FGF14: variants seen among roughly 807,000 people sequenced by gnomAD.
FGF14 encodes fibroblast growth factor 14.
In FGF14, 5 loss-of-function variants were observed where a neutral mutation model predicts 25.5. The observed-to-expected ratio is 0.20, with a 90% CI of 0.10 to 0.41. FGF14 has a LOEUF of 0.41. FGF14 is among the 10% of genes least tolerant of loss of function. FGF14 has a pLI of 1.00. For synonymous variants in FGF14, 138 were observed against 118.3 expected (o/e 1.17, Z -1.08); for missense variants, 222 against 320.1 (o/e 0.69, Z 2.34).
At chr13:101,987,070 G>C (rs559291216) in intron 1 of FGF14, among the ~76,000 whole-genome samples, 1 of 151,886 alleles carries the variant, frequency 6.6e-6, no homozygotes, top group South Asian at 2.1e-4. Context: ...TTGGACTCTG[G>C]CTTAGATTAT....
chr13:102,278,438 G>T (rs1431869406), intron 1 of FGF14, among the ~76,000 whole-genome samples: 1 of 152,138 alleles, frequency 6.6e-6, no homozygotes, highest in Non-Finnish European at 1.5e-5. Context: ...CCTGAAGTTG[G>T]TCTTTTATAA....
rs77699282 is a variant in FGF14, at chr13:101,802,397, G to C, written c.408+66328C>G. ...AAGTTGCCTGGAAAAAGGTGGAAGA[G>C]GAAGATGAAGAAAACATGGAGGACA... is the stretch of plus-strand genomic sequence containing the variant. On this transcript the variant is annotated intron_variant, in intron 3 of 4. Transcript: ENST00000376143. 2.6e-4 allele frequency: 56 copies of C among 219,478 alleles called. No homozygotes were observed. The East Asian group carries it at 6.1e-3, about 24-fold the overall frequency. 13.6% of individuals were successfully genotyped at this position (219,478 alleles called of 1,614,324 possible). A position where few individuals can be genotyped will look rare whatever the true frequency, so the allele number is the denominator to read the frequency against.
At chr13:102,263,685 A>C in intron 1 of FGF14, among the ~76,000 whole-genome samples, 1 of 152,356 alleles carries the variant, frequency 6.6e-6, no homozygotes, top group Non-Finnish European at 1.5e-5. Flanking sequence ...TATTTCTAGT[A>C]CAGTATTTCT....
Position 101,965,130 on chromosome 13 carries a change from T to A in FGF14, c.209-89834A>T, listed in dbSNP as rs182064738. Among the ~76,000 whole-genome samples, 31 of 151,952 alleles carry A rather than the reference T, an allele frequency of 2.0e-4. 1 individual carries two copies. In the East Asian group the frequency reaches 4.6e-3, roughly 23 times the overall value. ...TGGGCGAGGTGGGAGGCACCCGTAA[T>A]CCCAGCTACTCGAGGGGCTGAGGCA... is the stretch of plus-strand genomic sequence containing the variant. On this transcript the variant is annotated intron_variant, in intron 1 of 4. Coordinates refer to the FGF14 transcript ENST00000376131.
At chr13:101,879,206 C>T (rs959846135) in intron 1 of FGF14, among the ~76,000 whole-genome samples, 1 of 152,102 alleles carries the variant, frequency 6.6e-6, no homozygotes, top group African/African-American at 2.4e-5. Context: ...TTCCCCTTTT[C>T]CTCCAGTTTT....
chr13:101,965,694 T>A (rs1229103885), intron 1 of FGF14, among the ~76,000 whole-genome samples: 3 of 148,810 alleles, frequency 2.0e-5, no homozygotes, highest in African/African-American at 7.4e-5. Context: ...TTTTTGTAAG[T>A]AACATGAAAG....
intron 1 of FGF14, among the ~76,000 whole-genome samples, chr13:102,212,589 A>G (rs1366545869): frequency 6.6e-6 from 1 of 152,160 alleles, no homozygotes; most frequent in Non-Finnish European, 1.5e-5. Flanking sequence ...TCTCTTGACA[A>G]CTTCAGAGCT....
At chr13:101,904,043 T>A (rs2031915527) in intron 1 of FGF14, among the ~76,000 whole-genome samples, 1 of 152,190 alleles carries the variant, frequency 6.6e-6, no homozygotes, top group Non-Finnish European at 1.5e-5. Flanking sequence ...TGTTCTAAGA[T>A]CTAATTCATG....
intron 1 of FGF14, among the ~76,000 whole-genome samples, chr13:102,189,038 GA>G: frequency 4.3e-5 from 3 of 69,902 alleles, no homozygotes; most frequent in Non-Finnish European, 9.4e-5. Context: ...AAGAAAGAAA[GA>G]AAGAGAAAGA....
At chr13:101,942,659 T>G (rs915424069) in intron 1 of FGF14, among the ~76,000 whole-genome samples, 1 of 152,218 alleles carries the variant, frequency 6.6e-6, no homozygotes, top group African/African-American at 2.4e-5. Flanking sequence ...TCTGCAATTC[T>G]GGGCAGATTA....
intron 3 of FGF14, among the ~76,000 whole-genome samples, chr13:101,843,364 G>A (rs1205698474): frequency 6.6e-6 from 1 of 151,934 alleles, no homozygotes; most frequent in East Asian, 1.9e-4. Flanking sequence ...TGTAGTCACT[G>A]TGTAGAGATG....
chr13:102,277,120 A>G (rs1472438295), intron 1 of FGF14, among the ~76,000 whole-genome samples: 2 of 152,232 alleles, frequency 1.3e-5, no homozygotes, highest in African/African-American at 2.4e-5. Flanking sequence ...AATATGGCCA[A>G]TTTTACCCAC....
At chr13:101,993,158 G>C (rs963187168) in intron 1 of FGF14, among the ~76,000 whole-genome samples, 4 of 148,114 alleles carry the variant, frequency 2.7e-5, no homozygotes, top group African/African-American at 9.9e-5. Flanking sequence ...CACACTCAAA[G>C]AGAAAGTAGA....
At position 101,722,794 on chromosome 13, in the gene FGF14, T is replaced by C. The variant is rs1195415867; in HGVS notation, c.*37A>G. 1 of 1,612,766 alleles carries C rather than the reference T, an allele frequency of 6.2e-7. No homozygotes were observed. Among genetic ancestry groups the C allele is most frequent in the Non-Finnish European group, 8.5e-7 (1 of 1,179,166 alleles). ...GTGAGGATAAATCACTCAACTGTGC[T>C]CAGGACGAATAAGTCACAACACCTG... On this transcript the variant is annotated 3_prime_UTR_variant, in exon 5 of 5. Transcript: ENST00000376143.
At chr13:102,165,036 G>A (rs2047937547) in intron 1 of FGF14, among the ~76,000 whole-genome samples, 1 of 152,196 alleles carries the variant, frequency 6.6e-6, no homozygotes, top group Admixed American at 6.6e-5. Flanking sequence ...AGATCAAAAT[G>A]GTGATGGGAA....
rs897543313 is a variant in FGF14, at chr13:101,713,430, C to T, written c.*9401G>A. 7 of 152,008 alleles carry T rather than the reference C, an allele frequency of 4.6e-5. No homozygotes were observed. The highest frequency in any genetic ancestry group is 3.3e-4 in the Admixed American group (5 of 15,246). The allele number at this position is 152,008 out of a possible 1,614,324, so 9.4% of individuals were successfully genotyped here. On this transcript the variant is annotated 3_prime_UTR_variant, in exon 5 of 5. Coordinates refer to ENST00000376143, the MANE Select transcript of FGF14 (RefSeq NM_004115.4). ...TCTTTTCAACTGCACATTTTTTCAA[C>T]GTGATTTTGACTCAAAAAGAATACA...
intron 1 of FGF14, among the ~76,000 whole-genome samples, chr13:102,148,246 GA>G (rs1471403173): frequency 6.6e-6 from 1 of 152,044 alleles, no homozygotes; most frequent in East Asian, 1.9e-4. Context: ...TCCAAACTAA[GA>G]AACTGATTGA....
intron 1 of FGF14, among the ~76,000 whole-genome samples, chr13:101,984,987 A>T (rs189068941): frequency 1.3e-5 from 2 of 152,102 alleles, no homozygotes; most frequent in African/African-American, 2.4e-5. Context: ...AAAGACAAGC[A>T]CCTAAAATGT....
intron 1 of FGF14, among the ~76,000 whole-genome samples, chr13:102,397,636 G>A (rs1404018024): frequency 6.6e-6 from 1 of 152,226 alleles, no homozygotes. Flanking sequence ...TTGAGGGTCT[G>A]TGGCTTCCTT....
Sources: allele counts gnomAD v4.1 joint callset (sites outside exome capture counted in the v4.1 genomes callset), GRCh38; gene constraint gnomAD v4.1.1; transcripts MANE v1.5; gene names NCBI Gene and HGNC (gene_info 2026-07-23, HGNC 2026-07-21).